The following NCAM1 variants were observed in gnomAD, a reference collection of about 807,000 sequenced individuals.
NCAM1 encodes neural cell adhesion molecule 1, also known as antigen recognized by monoclonal antibody 5.1H11.
A neutral mutation model predicts 109.8 loss-of-function variants in NCAM1; 14 were observed. The ratio of observed to expected loss-of-function variants is 0.13; its 90% CI spans 0.08 to 0.20. NCAM1 has a LOEUF of 0.20. Among genes scored for constraint, NCAM1 ranks in the 10% least tolerant of loss-of-function variants. NCAM1 has a pLI of 1.00. For synonymous variants in NCAM1, 418 were observed against 442.9 expected, an observed-to-expected ratio of 0.94 and a Z score of 0.70; for missense variants, 774 against 1,109.9, an observed-to-expected ratio of 0.70 and a Z score of 4.30.
At chr11:113,079,189 C>T (rs1938672835) in intron 1 of NCAM1, among the ~76,000 whole-genome samples, 1 of 152,194 alleles carries the variant, frequency 6.6e-6, no homozygotes, top group Non-Finnish European at 1.5e-5. Flanking sequence ...TAAAGATACA[C>T]CTACATAGTG....
intron 1 of NCAM1, among the ~76,000 whole-genome samples, chr11:113,156,405 T>C (rs1241535724): frequency 2.0e-5 from 3 of 152,044 alleles, no homozygotes; most frequent in East Asian, 1.9e-4. Flanking sequence ...GAAATATATA[T>C]TGGGGGTTAA....
At chr11:113,260,816 A>G (rs1945969702) in intron 17 of NCAM1, among the ~76,000 whole-genome samples, 1 of 152,156 alleles carries the variant, frequency 6.6e-6, no homozygotes, top group African/African-American at 2.4e-5. Context: ...TTTACTTACA[A>G]ACCCTATCTA....
chr11:113,179,634 CT>C (rs34898161), intron 1 of NCAM1, among the ~76,000 whole-genome samples: 1 of 152,188 alleles, frequency 6.6e-6, no homozygotes, highest in Admixed American at 6.5e-5. Flanking sequence ...CTTTGTGTGC[CT>C]TTTCTATCAA....
chr11:113,263,183 A>C, intron 17 of NCAM1: 1 of 1,146,094 alleles, frequency 8.7e-7, no homozygotes, highest in Non-Finnish European at 1.1e-6. Flanking sequence ...TCTTTCTTTA[A>C]ATGCTATTTT....
chr11:113,248,144 A>C (rs1229049224), intron 15 of NCAM1, among the ~76,000 whole-genome samples: 1 of 151,966 alleles, frequency 6.6e-6, no homozygotes, highest in Non-Finnish European at 1.5e-5. Context: ...CAGGGCAAGA[A>C]ATGTTTAAAG....
At chr11:113,057,584 A>T (rs558358715) in intron 1 of NCAM1, among the ~76,000 whole-genome samples, 1 of 152,238 alleles carries the variant, frequency 6.6e-6, no homozygotes, top group South Asian at 2.1e-4. Context: ...CTAAATTAGG[A>T]CTACACTAGA....
chr11:113,228,624 A>G (rs1555116667), intron 9 of NCAM1, among the ~76,000 whole-genome samples: 1 of 152,246 alleles, frequency 6.6e-6, no homozygotes, highest in African/African-American at 2.4e-5. Flanking sequence ...CGCATCACCA[A>G]GTCAATCCTA....
In NCAM1 at chr11:112,965,983, C is replaced by T. The variant is rs534520976; in HGVS notation, c.52+4319C>T. On this transcript the variant is annotated intron_variant, in intron 1 of 19. Coordinates refer to ENST00000316851, the MANE Select transcript of NCAM1 (RefSeq NM_181351.5). ...ATCATAGACTAGGAGGAGACAAAGA[C>T]ATCTTATAAAGGCTCTCCTGCACCA... Among the ~76,000 whole-genome samples the T allele has an allele frequency of 2.0e-5, 3 of 152,322 alleles. No homozygotes were observed. In the South Asian group the frequency reaches 6.2e-4, roughly 32 times the overall value.
chr11:113,143,503 T>C (rs1941904229), intron 1 of NCAM1, among the ~76,000 whole-genome samples: 1 of 152,220 alleles, frequency 6.6e-6, no homozygotes, highest in African/African-American at 2.4e-5. Context: ...ACTGTAAATG[T>C]ACATGGGACC....
chr11:113,057,190 A>T (rs920811840), intron 1 of NCAM1, among the ~76,000 whole-genome samples: 28 of 152,154 alleles, frequency 1.8e-4, no homozygotes, highest in Non-Finnish European at 3.5e-4. Context: ...CTAGCAGCAG[A>T]GACACTTGAG....
At chr11:113,187,494 C>T (rs1555109068) in intron 1 of NCAM1, among the ~76,000 whole-genome samples, 2 of 151,988 alleles carry the variant, frequency 1.3e-5, no homozygotes, top group African/African-American at 4.8e-5. Context: ...AGGCAAATAA[C>T]TCACAGTCCA....
At chr11:113,074,337 G>A (rs1555085751) in intron 1 of NCAM1, among the ~76,000 whole-genome samples, 2 of 152,164 alleles carry the variant, frequency 1.3e-5, no homozygotes, top group Non-Finnish European at 2.9e-5. Context: ...TAGCCTGGTG[G>A]CCCTGGCTGT....
chr11:113,056,012 TATATATATATATAAA>T (rs2135444018), intron 1 of NCAM1, among the ~76,000 whole-genome samples: 1 of 104,316 alleles, frequency 9.6e-6, no homozygotes, highest in East Asian at 3.2e-4. Context: ...TATATATATA[TATATATATATATAAA>T]ATATATATAT....
At chr11:113,189,207 T>G (rs1470755297) in intron 1 of NCAM1, among the ~76,000 whole-genome samples, 1 of 151,964 alleles carries the variant, frequency 6.6e-6, no homozygotes, top group Admixed American at 6.6e-5. Flanking sequence ...ATCCCAGCAC[T>G]TTGGGAGACT....
chr11:112,966,157 A>G (rs1950722900), intron 1 of NCAM1, among the ~76,000 whole-genome samples: 1 of 152,240 alleles, frequency 6.6e-6, no homozygotes, highest in Non-Finnish European at 1.5e-5. Context: ...ATGGCAGCAC[A>G]TTACAGGGAG....
At chr11:113,063,786 C>T (rs1189937272) in intron 1 of NCAM1, among the ~76,000 whole-genome samples, 1 of 152,132 alleles carries the variant, frequency 6.6e-6, no homozygotes, top group Non-Finnish European at 1.5e-5. Flanking sequence ...CCCTGTTAGA[C>T]CATAGCCCTT....
At chr11:113,207,151 C>G in intron 5 of NCAM1, 110 bp from the exon 6 acceptor site, 2 of 754,166 alleles carry the variant, frequency 2.7e-6, no homozygotes, top group Non-Finnish European at 4.5e-6. Flanking sequence ...CTGCACACGA[C>G]GTTTGTCCCA....
chr11:113,046,168 C>T (rs1953260678), intron 1 of NCAM1, among the ~76,000 whole-genome samples: 1 of 152,136 alleles, frequency 6.6e-6, no homozygotes, highest in South Asian at 2.1e-4. Context: ...AGAGTCATAA[C>T]ATTATTGAGT....
chr11:113,157,454 C>T (rs1254448049), intron 1 of NCAM1, among the ~76,000 whole-genome samples: 3 of 152,130 alleles, frequency 2.0e-5, no homozygotes, highest in African/African-American at 7.2e-5. Flanking sequence ...TTTTTTCCTA[C>T]TTTCTTGGTA....
Sources: gnomAD v4.1 joint callset for allele counts (sites outside exome capture counted in the v4.1 genomes callset) on GRCh38, gnomAD v4.1.1 for gene constraint, MANE v1.5 for transcripts, NCBI Gene and HGNC (gene_info 2026-07-23, HGNC 2026-07-21) for gene names.